The following FKBP11 variants were observed in gnomAD, a reference collection of about 807,000 sequenced individuals.
The protein encoded by FKBP11 is peptidyl-prolyl cis-trans isomerase FKBP11.
Under a neutral mutation model 24.7 loss-of-function variants are expected in FKBP11, and 21 were observed. The ratio of observed to expected loss-of-function variants is 0.85; its 90% CI spans 0.60 to 1.23. FKBP11 has a LOEUF of 1.23. Ranked by LOEUF, FKBP11 falls within the 50% of genes most tolerant of loss-of-function variation. The pLI, the probability that FKBP11 is intolerant of heterozygous loss-of-function variation, is 0.00. For missense variants in FKBP11, 245 were observed against 248.7 expected (o/e 0.99, Z 0.10); for synonymous variants, 106 against 100.6 (o/e 1.05, Z -0.32).
the FKBP11 span, chr12:48,938,620 C>A: frequency 2.2e-6 from 1 of 446,850 alleles, no homozygotes. Context: ...ACAGCAACCA[C>A]TGCCAAACAA....
upstream of FKBP11, chr12:48,931,320 T>C: frequency 8.9e-7 from 1 of 1,124,866 alleles, no homozygotes; most frequent in Admixed American, 2.1e-5. Context: ...TGAGGCTCTG[T>C]TCAGGAACCT....
chr12:48,935,368 G>A, the FKBP11 span, among the ~76,000 whole-genome samples: 5 of 152,258 alleles, frequency 3.3e-5, no homozygotes, highest in African/African-American at 1.2e-4. Flanking sequence ...CTTATTATAT[G>A]CCTAAATCCT....
At chr12:48,924,700 C>G in intron 2 of FKBP11, 52 bp from the exon 3 acceptor site, 1 of 1,598,450 alleles carries the variant, frequency 6.3e-7, no homozygotes, top group South Asian at 1.1e-5. Flanking sequence ...TCCCTCCCAG[C>G]AGGCGCGCAA....
At position 48,924,594 on chromosome 12, in the gene FKBP11, C is replaced by T. The variant is rs777330563; in HGVS notation, c.250G>A (p.Val84Ile). Residue 84 changes from valine (V) to isoleucine (I), a missense_variant, in exon 3 of 6, where the codon GTT becomes ATT. Transcript: ENST00000550765. ...IDTSLTRDPL[V>I]IELGQKQVIP... ...ACCTGCTTTTGGCCAAGTTCTATAA[C>T]CAGAGGGTCTCTGGTCAGGGAGGTG... 9 of 1,614,052 alleles carry T rather than the reference C, an allele frequency of 5.6e-6. No homozygotes were observed. The highest frequency in any genetic ancestry group is 6.8e-6 in the Non-Finnish European group (8 of 1,179,992).
the FKBP11 span, chr12:48,931,594 C>A: frequency 1.2e-6 from 1 of 862,284 alleles, no homozygotes; most frequent in Non-Finnish European, 1.8e-6. Flanking sequence ...AGCCTCCACA[C>A]TCAAAGGTGT....
At chr12:48,928,008 T>C (rs369528042), upstream of FKBP11, among the ~76,000 whole-genome samples, 1 of 149,724 alleles carries the variant, frequency 6.7e-6, no homozygotes. Flanking sequence ...CCGTGAACAA[T>C]TGAGATGCCT....
At chr12:48,930,239 G>A (rs555857341), upstream of FKBP11, among the ~76,000 whole-genome samples, 252 of 152,282 alleles carry the variant, frequency 1.7e-3, 2 homozygotes, top group Non-Finnish European at 2.9e-3. Flanking sequence ...AAGTAAAAAA[G>A]CAAGTAGCAG....
intron 5 of FKBP11, 147 bp downstream of exon 5, chr12:48,923,635 C>CCCTG (rs756190733): frequency 1.3e-6 from 2 of 1,562,104 alleles, no homozygotes; most frequent in East Asian, 4.8e-5. Context: ...AAAAAGGTGG[C>CCCTG]CCTGTAGATG....
At chr12:48,928,713 A>C (rs1940011829), upstream of FKBP11, among the ~76,000 whole-genome samples, 1 of 151,886 alleles carries the variant, frequency 6.6e-6, no homozygotes, top group Non-Finnish European at 1.5e-5. Flanking sequence ...TCCTGACCTC[A>C]AGTGATCTGC....
At chr12:48,923,666 C>G in intron 5 of FKBP11, 116 bp downstream of exon 5, 1 of 1,581,772 alleles carries the variant, frequency 6.3e-7, no homozygotes, top group Non-Finnish European at 8.7e-7. Context: ...CCACTCCTAT[C>G]TGTCTAAACA....
upstream of FKBP11, chr12:48,926,526 T>TTTTC (rs1434190081): frequency 2.0e-4 from 29 of 147,140 alleles, 1 homozygote; most frequent in Admixed American, 1.0e-3. Context: ...GATTTCTTTT[T>TTTTC]TTTTTTTTTT....
rs772498544 is a variant in FKBP11, at chr12:48,923,620, G to A, written c.388+162C>T. ...TCTTTAGTCCCTGTTGGTGATATGAGGAGGAAAAAGGTGGCCCTGTAGATG... is the reference window on the plus strand; with the variant it reads ...TCTTTAGTCCCTGTTGGTGATATGAAGAGGAAAAAGGTGGCCCTGTAGATG... On this transcript the variant is annotated intron_variant, in intron 5 of 5. Transcript: ENST00000550765. 6.4e-5 allele frequency: 99 copies of A among 1,556,688 alleles called. No homozygotes were observed. In the East Asian group the frequency reaches 2.2e-3, roughly 35 times the overall value.
the FKBP11 span, chr12:48,938,565 T>G: frequency 2.4e-5 from 11 of 457,008 alleles, no homozygotes; most frequent in Non-Finnish European, 3.5e-5. Context: ...AAACAGGGAG[T>G]AGAAGGGCTT....
intron 5 of FKBP11, 110 bp from the exon 6 acceptor site, chr12:48,922,311 G>A (rs1939855236): frequency 2.0e-6 from 2 of 994,800 alleles, no homozygotes; most frequent in East Asian, 2.5e-5. Context: ...CAACTATGAA[G>A]CTGACAAGAT....
the FKBP11 span, chr12:48,937,285 T>G: frequency 1.3e-5 from 2 of 152,246 alleles, no homozygotes; most frequent in African/African-American, 2.4e-5. Context: ...TCAGCCATGC[T>G]GTGGGGGGCC....
At chr12:48,924,008 C>A (rs544255382) in intron 4 of FKBP11, 156 bp from the exon 5 acceptor site, 22 of 882,776 alleles carry the variant, frequency 2.5e-5, no homozygotes, top group Non-Finnish European at 3.6e-5. Context: ...GCAAAGGTGT[C>A]CATCTCCCCA....
chr12:48,934,937 G>A, the FKBP11 span, among the ~76,000 whole-genome samples: 5 of 150,176 alleles, frequency 3.3e-5, no homozygotes, highest in African/African-American at 7.3e-5. Flanking sequence ...GCTTGAACCC[G>A]GGAGCCCAGG....
upstream of FKBP11, chr12:48,931,386 A>G (rs1475187834): frequency 1.2e-5 from 19 of 1,533,394 alleles, no homozygotes; most frequent in Non-Finnish European, 1.6e-5. Context: ...AAAGGGCAAA[A>G]CTATTAAACA....
At chr12:48,938,887 G>T in the FKBP11 span, 1 of 1,578,788 alleles carries the variant, frequency 6.3e-7, no homozygotes, top group Non-Finnish European at 8.6e-7. Context: ...TAGGACTGGG[G>T]CAGGGTGACA....
Sources: allele counts gnomAD v4.1 joint callset (sites outside exome capture counted in the v4.1 genomes callset), GRCh38; gene constraint gnomAD v4.1.1; transcripts MANE v1.5; gene names NCBI Gene and HGNC (gene_info 2026-07-23, HGNC 2026-07-21).